The following CEP295 variants were observed in gnomAD, a reference collection of about 807,000 sequenced individuals.
CEP295 encodes centrosomal protein of 295 kDa.
CEP295 carries 190 observed loss-of-function variants against 291.6 expected under a neutral mutation model. That is an observed-to-expected ratio of 0.65 (90% CI 0.58 to 0.73). The LOEUF (loss-of-function observed/expected upper bound fraction) is 0.73. Among genes scored for constraint, CEP295 ranks in the 30% least tolerant of loss-of-function variants. The pLI, the probability that CEP295 is intolerant of heterozygous loss-of-function variation, is 0.00. For missense variants in CEP295, 2,863 were observed against 2,949.4 expected (o/e 0.97, Z 0.68); for synonymous variants, 993 against 1,038.8 (o/e 0.96, Z 0.85).
rs185716876 is a variant in CEP295, at chr11:93,728,434, C to A, written c.7162-247C>A. On this transcript the variant is annotated intron_variant, in intron 24 of 29. Coordinates refer to ENST00000325212, the MANE Select transcript of CEP295 (RefSeq NM_033395.2). Reference sequence around the variant, plus strand: ...AGGTTTGTAATCATTGTGGTAGATACCTTTCAGTCCATTGTCACACTATTT... The same window carrying A: ...AGGTTTGTAATCATTGTGGTAGATAACTTTCAGTCCATTGTCACACTATTT... The A allele has an allele frequency of 7.8e-5, 27 of 346,998 alleles. No individual in the cohort carries two copies. The East Asian group carries it at 8.7e-4, about 11-fold the overall frequency. 21.5% of individuals were successfully genotyped at this position (346,998 alleles called of 1,614,324 possible).
intron 17 of CEP295, among the ~76,000 whole-genome samples, chr11:93,704,294 T>C (rs1952383021): frequency 6.6e-6 from 1 of 152,186 alleles, no homozygotes; most frequent in African/African-American, 2.4e-5. Flanking sequence ...TCTTCAGCTA[T>C]AAAATATTGT....
At chr11:93,722,075 A>G in intron 20 of CEP295, 25 bp downstream of exon 20, 1 of 1,397,350 alleles carries the variant, frequency 7.2e-7, no homozygotes, top group African/African-American at 1.4e-5. Flanking sequence ...ATGTTTATAA[A>G]TAAGTTGAAA....
chr11:93,686,362 A>G (rs771649011), intron 9 of CEP295, among the ~76,000 whole-genome samples: 1 of 151,908 alleles, frequency 6.6e-6, no homozygotes, highest in Non-Finnish European at 1.5e-5. Context: ...CAGCTTTTTC[A>G]GTTATTTTCA....
In CEP295 at chr11:93,699,333, A is replaced by G; in HGVS notation, c.4421A>G (p.Glu1474Gly). 6.4e-7 allele frequency: 1 copy of G among 1,552,108 alleles called. No homozygotes were observed. Among genetic ancestry groups the G allele is most frequent in the African/African-American group, 1.4e-5 (1 of 73,190 alleles). Residue 1474 changes from glutamate to glycine, a missense_variant, in exon 15 of 30, where the codon GAG (glutamate) becomes GGG (glycine). By Grantham distance (98) the Glu-to-Gly change is moderately conservative. Transcript: ENST00000325212. The stretch of plus-strand genomic sequence containing the variant: ...CAGACAGATTTCCTTCCTTCTATTG[A>G]GAAAACCCAGAAAGAATTGGTTTTG... Reference protein sequence around the residue: ...HAQTDFLPSIEKTQKELVLSK... With the variant: ...HAQTDFLPSIGKTQKELVLSK...
At chr11:93,712,848 T>G (rs1952998703) in intron 18 of CEP295, among the ~76,000 whole-genome samples, 1 of 115,546 alleles carries the variant, frequency 8.7e-6, no homozygotes, top group Non-Finnish European at 1.8e-5. Context: ...TACTTTTCTT[T>G]CTTCTGTTTT....
Position 93,698,040 on chromosome 11 carries a change from C to CT in CEP295, c.3131dup (p.Leu1044PhefsTer12). On this transcript the variant is annotated frameshift_variant, in exon 15 of 30. Coordinates refer to ENST00000325212, the MANE Select transcript of CEP295 (RefSeq NM_033395.2). LOFTEE classifies it high-confidence loss of function. ...GACATCCCCATATCTCAGGATGGGT[C>CT]TTTGAGTTTCCTACAGCAGTTCCTA... 2 of 1,551,758 alleles carry CT rather than the reference C, an allele frequency of 1.3e-6. No individual in the cohort carries two copies. The highest frequency in any genetic ancestry group is 1.7e-6 in the Non-Finnish European group (2 of 1,146,992).
intron 3 of CEP295, 40 bp from the exon 4 acceptor site, chr11:93,668,768 T>A (rs1238702596): frequency 7.2e-7 from 1 of 1,387,204 alleles, no homozygotes; most frequent in South Asian, 1.4e-5. Flanking sequence ...TTTCTATTAT[T>A]CTTGTTTAAC....
At chr11:93,689,590 C>T (rs959034474) in intron 10 of CEP295, among the ~76,000 whole-genome samples, 7 of 152,172 alleles carry the variant, frequency 4.6e-5, no homozygotes, top group Non-Finnish European at 2.9e-5. Flanking sequence ...AAATGGCACA[C>T]TTCTACCACT....
At chr11:93,691,065 C>G (rs1463278540) in intron 10 of CEP295, among the ~76,000 whole-genome samples, 2 of 152,148 alleles carry the variant, frequency 1.3e-5, no homozygotes, top group Non-Finnish European at 2.9e-5. Flanking sequence ...TTATATAGTA[C>G]TTATTACAAT....
chr11:93,684,584 C>G (rs1354964490), intron 9 of CEP295, among the ~76,000 whole-genome samples: 1 of 152,162 alleles, frequency 6.6e-6, no homozygotes, highest in Admixed American at 6.5e-5. Context: ...ATGAGCCATA[C>G]AGAGGATCAA....
At position 93,697,157 on chromosome 11, in the gene CEP295, A is replaced by G. The variant is rs1296309186; in HGVS notation, c.2245A>G (p.Arg749Gly). The change falls in exon 15 of 30, where the codon AGA (arginine) becomes GGA (glycine). Residue 749 changes from arginine (R) to glycine (G), a missense_variant. Arg to Gly is a moderately radical substitution (Grantham distance 125). Around this residue, in one of 3 missense-constraint regions of CEP295, gnomAD observed 2,295 missense variants for 2,335.7 expected, o/e 0.98. Coordinates refer to ENST00000325212, the MANE Select transcript of CEP295 (RefSeq NM_033395.2). ...CAGGCAGCTAATATCACAGGATGCT[A>G]GAAAAATATCTGAAACATTTGGGGC... The part of the protein sequence containing the change: ...HDRQLISQDA[R>G]KISETFGATT... 1.9e-6 allele frequency: 3 copies of G among 1,551,840 alleles called. No individual in the cohort carries two copies. The highest frequency in any genetic ancestry group is 2.6e-6 in the Non-Finnish European group (3 of 1,147,068).
Position 93,725,669 on chromosome 11 carries a change from GAA to G in CEP295, c.6339_6340del (p.Ser2114ProfsTer26). 1.3e-6 allele frequency: 2 copies of G among 1,541,246 alleles called. No individual in the cohort carries two copies. The highest frequency in any genetic ancestry group is 1.7e-6 in the Non-Finnish European group (2 of 1,144,236). ...DFYQRSDSSS[E>X]SHCATGLSKS... ...CTGCCAGAGATCAGATTCTTCATCT[GAA>G]AGCCACTGTGCTACTGGATTATCCA... On this transcript the variant is annotated frameshift_variant, in exon 23 of 30. Coordinates refer to ENST00000325212, the MANE Select transcript of CEP295 (RefSeq NM_033395.2). LOFTEE classifies it high-confidence loss of function.
Position 93,699,011 on chromosome 11 carries a change from C to A in CEP295, c.4099C>A (p.Leu1367Ile). 1.9e-6 allele frequency: 3 copies of A among 1,548,384 alleles called. No individual in the cohort carries two copies. The highest frequency in any genetic ancestry group is 2.6e-6 in the Non-Finnish European group (3 of 1,147,036). ...AGCTACACAGAGAGAAGCCATCATTCTAGCTAGACAAGAAGCTCGGGAAGA... is the reference window on the plus strand; with the variant it reads ...AGCTACACAGAGAGAAGCCATCATTATAGCTAGACAAGAAGCTCGGGAAGA... ...QLATQREAIILARQEAREELL... is the reference protein window; with the variant it reads ...QLATQREAIIIARQEAREELL... Residue 1367 changes from leucine (L) to isoleucine (I), a missense_variant, in exon 15 of 30, where the codon CTA becomes ATA. This residue lies in a region of CEP295 where 2,295 missense variants were observed against 2,335.7 expected (regional missense o/e 0.98). Transcript: ENST00000325212.
intron 23 of CEP295, among the ~76,000 whole-genome samples, chr11:93,726,101 TTTTG>T (rs762922718): frequency 5.1e-4 from 77 of 152,160 alleles, no homozygotes; most frequent in Non-Finnish European, 6.6e-4. Context: ...AGTATTATTT[TTTTG>T]TTTGTTTTTT....
In CEP295 at chr11:93,696,672, T is replaced by G. The variant is rs1440267738; in HGVS notation, c.1770-10T>G. On this transcript the variant is annotated splice_polypyrimidine_tract_variant and intron_variant, in intron 14 of 29. Transcript: ENST00000325212. ...AAAAAACAATAATTGTTTGCTTTTG[T>G]TTTTGGTAGGTTACACAGGCAGTCT... 6.6e-7 allele frequency: 1 copy of G among 1,514,416 alleles called. No individual in the cohort carries two copies. The highest frequency in any genetic ancestry group is 8.8e-7 in the Non-Finnish European group (1 of 1,132,638). The allele number at this position is 1,514,416 out of a possible 1,614,324, so 93.8% of individuals were successfully genotyped here.
chr11:93,728,845 T>A, intron 25 of CEP295, 24 bp downstream of exon 25: 2 of 1,526,428 alleles, frequency 1.3e-6, no homozygotes, highest in African/African-American at 1.4e-5. Flanking sequence ...TTCCTTCTAT[T>A]TTATTCTATT....
intron 5 of CEP295, among the ~76,000 whole-genome samples, chr11:93,670,229 A>C (rs769210857): frequency 2.6e-5 from 4 of 152,134 alleles, no homozygotes; most frequent in Admixed American, 6.5e-5. Flanking sequence ...TTAAATGGTC[A>C]ATATTTTACA....
intron 17 of CEP295, among the ~76,000 whole-genome samples, chr11:93,703,308 A>G (rs1591082057): frequency 6.6e-6 from 1 of 152,070 alleles, no homozygotes; most frequent in African/African-American, 2.4e-5. Flanking sequence ...AACTTATAGC[A>G]GAAAAAGGAG....
At position 93,727,236 on chromosome 11, in the gene CEP295, C is replaced by A; in HGVS notation, c.6760C>A (p.Gln2254Lys). ...TAATGTATTTGATCAGTTAAATGTA[C>A]AGCATAGCACTCCATGTGGTTCTAA... is the stretch of plus-strand genomic sequence containing the variant. The part of the protein sequence containing the change: ...EANVFDQLNV[Q>K]HSTPCGSNSS... Residue 2254 changes from glutamine to lysine, a missense_variant, in exon 24 of 30, where the codon CAG (glutamine) becomes AAG (lysine). Around this residue, in one of 3 missense-constraint regions of CEP295, gnomAD observed 2,295 missense variants for 2,335.7 expected, o/e 0.98. Transcript: ENST00000325212. 2 of 1,551,648 alleles carry A rather than the reference C, an allele frequency of 1.3e-6. No homozygotes were observed. The highest frequency in any genetic ancestry group is 1.7e-6 in the Non-Finnish European group (2 of 1,146,942).
Sources: allele counts gnomAD v4.1 joint callset (sites outside exome capture counted in the v4.1 genomes callset), GRCh38; gene constraint gnomAD v4.1.1; regional missense constraint gnomAD v4.1.1; transcripts MANE v1.5; gene names NCBI Gene and HGNC (gene_info 2026-07-23, HGNC 2026-07-21).